The following GRK3 variants were observed in gnomAD, a reference collection of about 807,000 sequenced individuals.
GRK3 encodes the protein G protein-coupled receptor kinase 3, also known as adrenergic, beta, receptor kinase 2.
Under a neutral mutation model 95.7 loss-of-function variants are expected in GRK3, and 54 were observed. The observed-to-expected ratio is 0.56, with a 90% CI of 0.45 to 0.71. The LOEUF is 0.71. GRK3 is among the 30% of genes least tolerant of loss of function. GRK3 has a pLI of 0.00. For missense variants in GRK3, 649 were observed against 851.2 expected (o/e 0.76, Z 2.96); for synonymous variants, 281 against 290.8 (o/e 0.97, Z 0.34).
At chr22:25,575,214 A>G (rs962329195) in intron 1 of GRK3, among the ~76,000 whole-genome samples, 1 of 152,238 alleles carries the variant, frequency 6.6e-6, no homozygotes, top group Non-Finnish European at 1.5e-5. Flanking sequence ...AAAATATTTT[A>G]AAAATTCAGG....
chr22:25,602,611 C>T (rs573737605), intron 1 of GRK3, among the ~76,000 whole-genome samples: 18 of 152,294 alleles, frequency 1.2e-4, no homozygotes, highest in African/African-American at 3.6e-4. Context: ...CATACAATGG[C>T]ATGCTGTTTG....
chr22:25,626,263 C>A (rs1036849789), intron 2 of GRK3, among the ~76,000 whole-genome samples: 1 of 152,178 alleles, frequency 6.6e-6, no homozygotes, highest in Non-Finnish European at 1.5e-5. Flanking sequence ...TCTTAGCCCA[C>A]GCACCTGTCT....
At chr22:25,585,954 G>A (rs992676010) in intron 1 of GRK3, among the ~76,000 whole-genome samples, 2 of 152,276 alleles carry the variant, frequency 1.3e-5, no homozygotes, top group African/African-American at 2.4e-5. Flanking sequence ...TGAAGGGTTG[G>A]GGAAGGCTCC....
chr22:25,568,244 G>A (rs1275363090), intron 1 of GRK3, among the ~76,000 whole-genome samples: 1 of 151,948 alleles, frequency 6.6e-6, no homozygotes, highest in African/African-American at 2.4e-5. Flanking sequence ...GCCCACAAAG[G>A]GTCATCATCT....
chr22:25,725,475 T>C lies in GRK3; in HGVS notation c.*3025T>C. 1 of 398,496 alleles carries C rather than the reference T, an allele frequency of 2.5e-6. No individual in the cohort carries two copies. The highest frequency in any genetic ancestry group is 4.4e-6 in the Non-Finnish European group (1 of 226,008). 24.7% of individuals were successfully genotyped at this position (398,496 alleles called of 1,614,324 possible). A position where few individuals can be genotyped will look rare whatever the true frequency, so the allele number is the denominator to read the frequency against. On this transcript the variant is annotated 3_prime_UTR_variant, in exon 21 of 21. Coordinates refer to ENST00000324198, the MANE Select transcript of GRK3 (RefSeq NM_005160.4). ...TATTTTTAACCTAAAACATTCTCTT[T>C]GGTTCATTCATCCCCTCATGTCATG...
chr22:25,605,273 G>A, intron 2 of GRK3, among the ~76,000 whole-genome samples: 1 of 152,240 alleles, frequency 6.6e-6, no homozygotes, highest in East Asian at 1.9e-4. Flanking sequence ...TGTGGAAAGT[G>A]ATTGGTCTTT....
chr22:25,699,843 C>G (rs1041721198), intron 13 of GRK3, among the ~76,000 whole-genome samples: 7 of 152,002 alleles, frequency 4.6e-5, no homozygotes, highest in African/African-American at 1.7e-4. Flanking sequence ...GGACTACAGG[C>G]GCCCGCCACC....
intron 1 of GRK3, among the ~76,000 whole-genome samples, chr22:25,578,888 G>C (rs1377916448): frequency 1.3e-5 from 2 of 152,034 alleles, no homozygotes; most frequent in Non-Finnish European, 2.9e-5. Context: ...CACCAAGTTT[G>C]TGGTAATTTA....
chr22:25,600,757 CTGTTGTAAACTGGAAACT>C (rs1446152730), intron 1 of GRK3, among the ~76,000 whole-genome samples: 1 of 152,122 alleles, frequency 6.6e-6, no homozygotes, highest in Non-Finnish European at 1.5e-5. Context: ...GGATGACTAT[CTGTTGTAAACTGGAAACT>C]TATTTTAAAT....
chr22:25,653,307 T>TA (rs1457413464), intron 3 of GRK3, among the ~76,000 whole-genome samples: 3 of 152,126 alleles, frequency 2.0e-5, no homozygotes, highest in Admixed American at 6.5e-5. Context: ...TTACAAGAGA[T>TA]ATAAACACAT....
chr22:25,595,258 C>G (rs1216496302), intron 1 of GRK3, among the ~76,000 whole-genome samples: 1 of 152,066 alleles, frequency 6.6e-6, no homozygotes, highest in Non-Finnish European at 1.5e-5. Context: ...CGAGAAAACC[C>G]TAAAGACTCT....
intron 1 of GRK3, among the ~76,000 whole-genome samples, chr22:25,578,234 C>A (rs1601446996): frequency 6.6e-6 from 1 of 151,934 alleles, no homozygotes; most frequent in Non-Finnish European, 1.5e-5. Flanking sequence ...CATACACCTG[C>A]GCCTGACTCC....
At chr22:25,701,428 T>C (rs1244277351) in intron 13 of GRK3, among the ~76,000 whole-genome samples, 2 of 152,244 alleles carry the variant, frequency 1.3e-5, no homozygotes, top group Non-Finnish European at 2.9e-5. Context: ...TGTCTGAACA[T>C]GGCAGCATAG....
At chr22:25,613,362 A>G (rs1318000679) in intron 2 of GRK3, among the ~76,000 whole-genome samples, 1 of 149,500 alleles carries the variant, frequency 6.7e-6, no homozygotes, top group Non-Finnish European at 1.5e-5. Flanking sequence ...CAGAGCAACC[A>G]CAGCCTCAGA....
At chr22:25,674,377 C>A (rs1230788393) in intron 7 of GRK3, 60 bp from the exon 8 acceptor site, 2 of 1,389,274 alleles carry the variant, frequency 1.4e-6, no homozygotes, top group Non-Finnish European at 2.0e-6. Flanking sequence ...ATGAAAAAAT[C>A]TTTAAAACAC....
intron 1 of GRK3, among the ~76,000 whole-genome samples, chr22:25,577,126 T>G (rs1404933142): frequency 6.6e-6 from 1 of 152,152 alleles, no homozygotes; most frequent in Non-Finnish European, 1.5e-5. Flanking sequence ...AGTTGGTAAA[T>G]GAGTATCCTT....
chr22:25,694,442 T>C (rs574575839), intron 12 of GRK3, among the ~76,000 whole-genome samples: 8 of 152,350 alleles, frequency 5.3e-5, no homozygotes, highest in African/African-American at 1.9e-4. Context: ...ATATATAAAA[T>C]GGTTGTCCTC....
chr22:25,602,060 C>G (rs1003709035), intron 1 of GRK3, among the ~76,000 whole-genome samples: 1 of 152,160 alleles, frequency 6.6e-6, no homozygotes, highest in African/African-American at 2.4e-5. Context: ...GGGAGAAAAT[C>G]TTAGCATCAC....
intron 5 of GRK3, 48 bp from the exon 6 acceptor site, chr22:25,667,691 A>T: frequency 7.3e-7 from 1 of 1,365,330 alleles, no homozygotes; most frequent in Admixed American, 1.8e-5. Context: ...TGTTTTTTTG[A>T]TACATTCCGA....
Sources: gnomAD v4.1 joint callset for allele counts (sites outside exome capture counted in the v4.1 genomes callset) on GRCh38, gnomAD v4.1.1 for gene constraint, MANE v1.5 for transcripts, NCBI Gene and HGNC (gene_info 2026-07-23, HGNC 2026-07-21) for gene names.